The following TBC1D5 variants were observed in gnomAD, a reference collection of about 807,000 sequenced individuals.
The protein encoded by TBC1D5 is TBC1 domain family member 5.
In TBC1D5, 75 loss-of-function variants were observed where a neutral mutation model predicts 100.3. The observed-to-expected ratio is 0.75, with a 90% confidence interval of 0.62 to 0.91. The LOEUF (loss-of-function observed/expected upper bound fraction) is 0.91. Among genes scored for constraint, TBC1D5 ranks in the 40% least tolerant of loss-of-function variants. TBC1D5 has a pLI of 0.00. For missense variants in TBC1D5, 910 were observed against 942.4 expected (o/e 0.97, Z 0.45); for synonymous variants, 323 against 325.6 (o/e 0.99, Z 0.09).
chr3:17,365,721 G>C (rs1359906563), intron 13 of TBC1D5, among the ~76,000 whole-genome samples: 2 of 152,106 alleles, frequency 1.3e-5, no homozygotes, highest in African/African-American at 2.4e-5. Context: ...TCCTGATTCT[G>C]GGCCTTGTAC....
intron 2 of TBC1D5, among the ~76,000 whole-genome samples, chr3:17,530,856 G>A (rs1205180790): frequency 6.6e-6 from 1 of 152,160 alleles, no homozygotes; most frequent in Non-Finnish European, 1.5e-5. Flanking sequence ...AGCTATCTAT[G>A]ACAAACCCAC....
chr3:17,689,905 C>A (rs559240635), intron 1 of TBC1D5, among the ~76,000 whole-genome samples: 28 of 152,206 alleles, frequency 1.8e-4, no homozygotes, highest in Non-Finnish European at 2.8e-4. Flanking sequence ...ACCCCTCCCC[C>A]CCAAAAAATC....
chr3:17,474,222 T>C (rs1576220347), intron 3 of TBC1D5, among the ~76,000 whole-genome samples: 1 of 152,236 alleles, frequency 6.6e-6, no homozygotes, highest in East Asian at 1.9e-4. Context: ...AAACACAAAA[T>C]AGACAGTTAC....
At chr3:17,256,476 T>C (rs1384459040) in intron 16 of TBC1D5, among the ~76,000 whole-genome samples, 1 of 146,062 alleles carries the variant, frequency 6.8e-6, no homozygotes, top group African/African-American at 2.6e-5. Flanking sequence ...ACTCAATGTG[T>C]TATATATATA....
At chr3:17,562,380 TA>T (rs1156812123) in intron 2 of TBC1D5, among the ~76,000 whole-genome samples, 1 of 151,770 alleles carries the variant, frequency 6.6e-6, no homozygotes, top group African/African-American at 2.4e-5. Context: ...ATAGGTCAAG[TA>T]AAAGAAATTA....
At chr3:17,448,511 T>C (rs1256859910) in intron 3 of TBC1D5, among the ~76,000 whole-genome samples, 1 of 152,228 alleles carries the variant, frequency 6.6e-6, no homozygotes, top group Non-Finnish European at 1.5e-5. Context: ...AATAATAAGA[T>C]GTGAAAGTAG....
chr3:17,409,667 C>G (rs2093869643), intron 4 of TBC1D5, among the ~76,000 whole-genome samples: 1 of 152,052 alleles, frequency 6.6e-6, no homozygotes, highest in East Asian at 1.9e-4. Flanking sequence ...AACAGTCTTA[C>G]CGCTGATACA....
At chr3:17,629,565 C>G (rs576216050) in intron 1 of TBC1D5, among the ~76,000 whole-genome samples, 1 of 152,270 alleles carries the variant, frequency 6.6e-6, no homozygotes, top group Admixed American at 6.5e-5. Flanking sequence ...AATTTAGATG[C>G]TACAAACTCA....
chr3:17,288,357 A>T (rs2081374424), intron 15 of TBC1D5, among the ~76,000 whole-genome samples: 1 of 152,176 alleles, frequency 6.6e-6, no homozygotes, highest in African/African-American at 2.4e-5. Flanking sequence ...GTAGACAGGG[A>T]TGGGTCCCTG....
intron 1 of TBC1D5, among the ~76,000 whole-genome samples, chr3:17,684,625 T>A (rs1266124184): frequency 6.6e-6 from 1 of 152,034 alleles, no homozygotes; most frequent in East Asian, 1.9e-4. Context: ...GATCTTAAAT[T>A]TGATTAAAAA....
chr3:17,738,306 A>G (rs927609328), intron 1 of TBC1D5, among the ~76,000 whole-genome samples: 1 of 152,212 alleles, frequency 6.6e-6, no homozygotes, highest in Non-Finnish European at 1.5e-5. Context: ...GATATGATCT[A>G]CCACACTGTA....
chr3:17,383,794 G>T, intron 9 of TBC1D5, 119 bp downstream of exon 9: 1 of 686,608 alleles, frequency 1.5e-6, no homozygotes, highest in Non-Finnish European at 2.3e-6. Flanking sequence ...CTCTCTGATT[G>T]CTTTAGCATT....
intron 3 of TBC1D5, among the ~76,000 whole-genome samples, chr3:17,507,919 A>G (rs2095860456): frequency 6.6e-6 from 1 of 152,190 alleles, no homozygotes; most frequent in African/African-American, 2.4e-5. Context: ...ACATTTTTAT[A>G]GGGTAGAACC....
intron 13 of TBC1D5, among the ~76,000 whole-genome samples, chr3:17,339,888 C>A (rs11921357): frequency 0.07 from 10,615 of 152,066 alleles, 798 homozygotes; most frequent in African/African-American, 0.19. Flanking sequence ...GATTAAAAAG[C>A]TCAATTAAGA....
chr3:17,353,102 G>A (rs565872327), intron 13 of TBC1D5, among the ~76,000 whole-genome samples: 2 of 152,092 alleles, frequency 1.3e-5, no homozygotes, highest in Admixed American at 1.3e-4. Flanking sequence ...ATCATTATTT[G>A]GCTCTGGGAA....
Position 17,521,984 on chromosome 3 carries a change from CAA to C in TBC1D5, c.-35-13381_-35-13380del, listed in dbSNP as rs1196733952. Among the ~76,000 whole-genome samples, 4 of 151,816 alleles carry C rather than the reference CAA, an allele frequency of 2.6e-5. No individual in the cohort carries two copies. In the East Asian group the frequency reaches 5.8e-4, roughly 22 times the overall value. ...CTTCTATTAACTTGGATACATGAGCCAAAAAGTCTCAGTATAAATATGCAAAT... is the reference window on the plus strand; with the variant it reads ...CTTCTATTAACTTGGATACATGAGCCAAAGTCTCAGTATAAATATGCAAAT... On this transcript the variant is annotated intron_variant, in intron 2 of 21. Transcript: ENST00000253692.
intron 8 of TBC1D5, among the ~76,000 whole-genome samples, chr3:17,401,397 G>A (rs1171002955): frequency 7.2e-6 from 1 of 139,722 alleles, no homozygotes; most frequent in Non-Finnish European, 1.6e-5. Context: ...ATATGTATAT[G>A]TATATATGTA....
intron 15 of TBC1D5, among the ~76,000 whole-genome samples, chr3:17,262,177 A>T (rs1296130044): frequency 1.3e-5 from 2 of 152,192 alleles, no homozygotes; most frequent in African/African-American, 4.8e-5. Flanking sequence ...AAAAATCTAG[A>T]TGGTATAGCT....
At chr3:17,539,229 T>C (rs1258865787) in intron 2 of TBC1D5, among the ~76,000 whole-genome samples, 1 of 151,948 alleles carries the variant, frequency 6.6e-6, no homozygotes, top group African/African-American at 2.4e-5. Flanking sequence ...TAAGGGAGTG[T>C]CTGGGTTAAG....
Sources: gnomAD v4.1 joint callset for allele counts (sites outside exome capture counted in the v4.1 genomes callset) on GRCh38, gnomAD v4.1.1 for gene constraint, MANE v1.5 for transcripts, NCBI Gene and HGNC (gene_info 2026-07-23, HGNC 2026-07-21) for gene names.